Variants in MARCHF11 observed in about 807,000 individuals in gnomAD.
The protein encoded by MARCHF11 is membrane associated ring-CH-type finger 11, also known as E3 ubiquitin-protein ligase MARCHF11.
A neutral mutation model predicts 37.3 loss-of-function variants in MARCHF11; 29 were observed. That is an observed-to-expected ratio of 0.78 (90% confidence interval 0.58 to 1.06). The LOEUF is 1.06. Ranked by LOEUF, MARCHF11 falls within the 50% of genes least tolerant of loss-of-function variation. The probability of loss-of-function intolerance (pLI) is 0.00; values close to 1 mark genes in which losing one functional copy is unlikely to be tolerated. For synonymous variants in MARCHF11, 233 were observed against 228.0 expected, an observed-to-expected ratio of 1.02 and a Z score of -0.20; for missense variants, 482 against 533.4, an observed-to-expected ratio of 0.90 and a Z score of 0.95.
In MARCHF11 at chr5:16,156,726, CAG is replaced by C. The variant is rs1737982990; in HGVS notation, c.693+20998_693+20999del. On this transcript the variant is annotated intron_variant, in intron 2 of 3. Coordinates refer to ENST00000332432, the MANE Select transcript of MARCHF11 (RefSeq NM_001102562.3). ...AGTGATTTCGTCCTTGTACAAACATCAGAGTGTACTTACACAAACTTAAATGG... is the reference window on the plus strand; with the variant it reads ...AGTGATTTCGTCCTTGTACAAACATCAGTGTACTTACACAAACTTAAATGG... Among the ~76,000 whole-genome samples, 2 of 151,858 alleles carry C rather than the reference CAG, an allele frequency of 1.3e-5. 1 individual carries two copies. Among genetic ancestry groups the C allele is most frequent in the South Asian group, 4.1e-4 (2 of 4,822 alleles).
intron 3 of MARCHF11, among the ~76,000 whole-genome samples, chr5:16,088,388 G>C (rs1055252537): frequency 1.3e-5 from 2 of 152,140 alleles, no homozygotes; most frequent in African/African-American, 4.8e-5. Context: ...CACATAGAAA[G>C]TTCCTAGGAA....
chr5:16,106,820 A>G (rs965555132), intron 2 of MARCHF11, among the ~76,000 whole-genome samples: 1 of 152,188 alleles, frequency 6.6e-6, no homozygotes, highest in Admixed American at 6.5e-5. Flanking sequence ...CAAACTGTCA[A>G]TAGTGCTGAG....
chr5:16,137,258 G>A (rs1307689422), intron 2 of MARCHF11, among the ~76,000 whole-genome samples: 1 of 152,188 alleles, frequency 6.6e-6, no homozygotes, highest in Non-Finnish European at 1.5e-5. Context: ...CAGGGACCCA[G>A]TGGGAGGTAA....
At chr5:16,107,648 C>T (rs10059919) in intron 2 of MARCHF11, among the ~76,000 whole-genome samples, 6,971 of 152,102 alleles carry the variant, frequency 0.046, 439 homozygotes, top group African/African-American at 0.15. Context: ...TGACAACAGG[C>T]ATTCTTGTTT....
At chr5:16,110,541 T>G (rs569032470) in intron 2 of MARCHF11, among the ~76,000 whole-genome samples, 1 of 152,276 alleles carries the variant, frequency 6.6e-6, no homozygotes, top group Non-Finnish European at 1.5e-5. Context: ...AATTAGAAGG[T>G]ATTCAGGTTT....
At chr5:16,069,624 T>A (rs926711882) in intron 3 of MARCHF11, among the ~76,000 whole-genome samples, 4 of 151,822 alleles carry the variant, frequency 2.6e-5, no homozygotes, top group African/African-American at 9.7e-5. Flanking sequence ...GCAGTAAGGA[T>A]AGGATAGAGA....
intron 2 of MARCHF11, among the ~76,000 whole-genome samples, chr5:16,113,956 T>A (rs1242832652): frequency 2.0e-5 from 3 of 151,918 alleles, no homozygotes; most frequent in Non-Finnish European, 2.9e-5. Flanking sequence ...CTCCCCACCT[T>A]TCTAAGCGTC....
chr5:16,113,057 T>C (rs1034842723), intron 2 of MARCHF11, among the ~76,000 whole-genome samples: 1 of 152,098 alleles, frequency 6.6e-6, no homozygotes, highest in Non-Finnish European at 1.5e-5. Context: ...CCAGAAAGCA[T>C]GAATTTTATG....
chr5:16,111,942 C>T (rs1212995443), intron 2 of MARCHF11, among the ~76,000 whole-genome samples: 1 of 152,164 alleles, frequency 6.6e-6, no homozygotes, highest in African/African-American at 2.4e-5. Context: ...GGGTGCAAGC[C>T]CCAAGCTTTG....
chr5:16,163,413 G>A (rs1358668947), intron 2 of MARCHF11, among the ~76,000 whole-genome samples: 4 of 151,996 alleles, frequency 2.6e-5, no homozygotes, highest in African/African-American at 9.7e-5. Flanking sequence ...TATTCACCAT[G>A]ATTAGGGAAT....
intron 2 of MARCHF11, among the ~76,000 whole-genome samples, chr5:16,167,163 T>TAC (rs1738185827): frequency 8.2e-5 from 12 of 146,624 alleles, no homozygotes; most frequent in Non-Finnish European, 1.7e-4. Context: ...CACACGTGTG[T>TAC]GTGTGTGTGT....
At chr5:16,082,186 C>T (rs1055348475) in intron 3 of MARCHF11, among the ~76,000 whole-genome samples, 3 of 152,214 alleles carry the variant, frequency 2.0e-5, no homozygotes, top group Non-Finnish European at 4.4e-5. Flanking sequence ...GTGCTCAAAG[C>T]ATGAAGGATC....
In MARCHF11 at chr5:16,103,660, C is replaced by T. The variant is rs74680543; in HGVS notation, c.694-12579G>A. The stretch of plus-strand genomic sequence containing the variant: ...AAGAAGCTGTGCCCATTTCTCCACC[C>T]CCTAGAATATAGGGGATGCTTTGAC... On this transcript the variant is annotated intron_variant, in intron 2 of 3. Transcript: ENST00000332432. Among the ~76,000 whole-genome samples the T allele has an allele frequency of 8.3e-3, 1,269 of 152,300 alleles. 15 individuals carry two copies. Among genetic ancestry groups the T allele is most frequent in the African/African-American group, 0.029 (1,199 of 41,554 alleles).
In MARCHF11 at chr5:16,067,614, A is replaced by C; in HGVS notation, c.1066T>G (p.Leu356Val). Residue 356 changes from leucine (L) to valine (V), a missense_variant, in exon 4 of 4, where the codon TTG (leucine) becomes GTG (valine). Transcript: ENST00000332432. ...GAGGTTAACTGAGTTGGGTGGACCA[A>C]GTTTCTGTTCCGCAGAGCTGTCAAT... ...LPLTALRNRNLVHPTQLTSPR... is the reference protein window; with the variant it reads ...LPLTALRNRNVVHPTQLTSPR... 1 of 1,613,934 alleles carries C rather than the reference A, an allele frequency of 6.2e-7. No homozygotes were observed. Among genetic ancestry groups the C allele is most frequent in the South Asian group, 1.1e-5 (1 of 91,072 alleles).
At position 16,150,535 on chromosome 5, in the gene MARCHF11, T is replaced by C. The variant is rs543389843; in HGVS notation, c.693+27191A>G. On this transcript the variant is annotated intron_variant, in intron 2 of 3. Coordinates refer to ENST00000332432, the MANE Select transcript of MARCHF11 (RefSeq NM_001102562.3). ...CAAACAGGTTTAACTCATTACCTGT[T>C]AGTGAGTTGGAGGTGGCCTTTTGTA... 1.3e-4 allele frequency among the ~76,000 whole-genome samples: 20 copies of C among 149,552 alleles called. 1 individual carries two copies. Among genetic ancestry groups the C allele is most frequent in the African/African-American group, 5.1e-4 (20 of 39,068 alleles).
chr5:16,128,098 C>G (rs1359711588), intron 2 of MARCHF11, among the ~76,000 whole-genome samples: 1 of 152,158 alleles, frequency 6.6e-6, no homozygotes, highest in Admixed American at 6.6e-5. Flanking sequence ...CCTACTCATA[C>G]CACCCACGAA....
intron 2 of MARCHF11, among the ~76,000 whole-genome samples, chr5:16,165,529 G>A (rs1399996624): frequency 2.0e-5 from 3 of 152,064 alleles, no homozygotes. Flanking sequence ...GTTTGTGACA[G>A]TTTCTAAGAC....
intron 2 of MARCHF11, among the ~76,000 whole-genome samples, chr5:16,171,329 T>C (rs1023676108): frequency 6.7e-6 from 1 of 150,354 alleles, no homozygotes; most frequent in African/African-American, 2.4e-5. Flanking sequence ...CATTCAAAAT[T>C]ACAAAGAAAC....
chr5:16,177,755 TA>T lies in MARCHF11; in HGVS notation c.663del (p.Ile222Ter). On this transcript the variant is annotated frameshift_variant, in exon 2 of 4. Transcript: ENST00000332432. LOFTEE classifies it high-confidence loss of function. Reference sequence around the variant, plus strand: ...CAAGGTTGTTTCATTTTAATGGCTATAACATGGTATCTATAACAGCAAAGTT... The same window carrying T: ...CAAGGTTGTTTCATTTTAATGGCTATACATGGTATCTATAACAGCAAAGTT... ...TCELCCYRYH[V>X]IAIKMKQPCQ... 1 of 1,611,040 alleles carries T rather than the reference TA, an allele frequency of 6.2e-7. No individual in the cohort carries two copies. The highest frequency in any genetic ancestry group is 2.2e-5 in the East Asian group (1 of 44,846).
Sources: gnomAD v4.1 joint callset for allele counts (sites outside exome capture counted in the v4.1 genomes callset) on GRCh38, gnomAD v4.1.1 for gene constraint, MANE v1.5 for transcripts, NCBI Gene and HGNC (gene_info 2026-07-23, HGNC 2026-07-21) for gene names.